The following PIGO variants were observed in gnomAD, a reference collection of about 807,000 sequenced individuals.
PIGO encodes GPI ethanolamine phosphate transferase 3, catalytic subunit.
PIGO carries 66 observed loss-of-function variants against 86.9 expected under a neutral mutation model. The ratio of observed to expected loss-of-function variants is 0.76; its 90% CI spans 0.62 to 0.93. The LOEUF (loss-of-function observed/expected upper bound fraction) is 0.93. Among genes scored for constraint, PIGO ranks in the 40% least tolerant of loss-of-function variants. The pLI is 0.00. For synonymous variants in PIGO, 570 were observed against 556.4 expected (o/e 1.02, Z -0.34); for missense variants, 1,202 against 1,359.1 (o/e 0.88, Z 1.82).
Position 35,093,063 on chromosome 9 carries a change from G to T in PIGO, c.1086C>A (p.Ala362=), listed in dbSNP as rs1024235075. Residue 362 remains alanine, a synonymous_variant, in exon 6 of 11, where the codon GCC becomes GCA. Transcript: ENST00000378617. ...EDSQPHSSAL[A]QASALHLNAQ... is the part of the protein sequence containing the mutation. ...CATTGAGATGGAGAGCTGAGGCTTG[G>T]GCTAAAGCAGAGGAGTGGGGCTGGG... 6.2e-7 allele frequency: 1 copy of T among 1,613,632 alleles called. No individual in the cohort carries two copies.
In PIGO at chr9:35,091,966, A is replaced by AGCTG; in HGVS notation, c.1920_1921insCAGC (p.Cys641GlnfsTer4). On this transcript the variant is annotated frameshift_variant, in exon 7 of 11. Transcript: ENST00000378617. LOFTEE classifies it high-confidence loss of function. ...TGGCAAACAGGTGTCTCTTCAGGGC[A>AGCTG]ACGATGAAAAAGCCCAGCTAGCCTT... The AGCTG allele has an allele frequency of 2.5e-6, 4 of 1,614,236 alleles. No homozygotes were observed. The highest frequency in any genetic ancestry group is 3.4e-6 in the Non-Finnish European group (4 of 1,180,044).
At chr9:35,089,526 C>T (rs750264071) in intron 9 of PIGO, 76 bp from the exon 10 acceptor site, 1 of 1,597,986 alleles carries the variant, frequency 6.3e-7, no homozygotes, top group Middle Eastern at 1.8e-4. Flanking sequence ...TTTCTATAGG[C>T]CCCTGTAAAA....
Position 35,093,971 on chromosome 9 carries a change from A to C in PIGO, c.709T>G (p.Cys237Gly). The C allele has an allele frequency of 6.2e-7, 1 of 1,614,172 alleles. No individual in the cohort carries two copies. Among genetic ancestry groups the C allele is most frequent in the Non-Finnish European group, 8.5e-7 (1 of 1,180,008 alleles). ...TGGTGAGGGCCATGCTTGTGGCCAC[A>C]GTGGTCCACACCCAGGAAGTGAGCA... ...LIAHFLGVDH[C>G]GHKHGPHHPE... The change falls in exon 4 of 11, where the codon TGT becomes GGT. Residue 237 changes from cysteine to glycine, a missense_variant. Coordinates refer to ENST00000378617, the MANE Select transcript of PIGO (RefSeq NM_032634.4).
intron 3 of PIGO, 22 bp downstream of exon 3, chr9:35,094,194 A>G: frequency 6.3e-7 from 1 of 1,580,996 alleles, no homozygotes; most frequent in Non-Finnish European, 8.6e-7. Context: ...CTTAGAACTA[A>G]GTGCTCTGGC....
Position 35,092,075 on chromosome 9 carries a change from G to A in PIGO, c.1812C>T (p.Arg604=). 6.2e-7 allele frequency: 1 copy of A among 1,614,236 alleles called. No individual in the cohort carries two copies. Among genetic ancestry groups the A allele is most frequent in the Non-Finnish European group, 8.5e-7 (1 of 1,180,032 alleles). Residue 604 remains arginine (R), a synonymous_variant, in exon 7 of 11, where the codon CGC becomes CGT. Coordinates refer to ENST00000378617, the MANE Select transcript of PIGO (RefSeq NM_032634.4). ...GGTTTGTTGTGGCTGAAGTGCCAAG[G>A]CGGGGCATTGTGAGTAGCTTAGGTG... ...LLPPKLLTMP[R]LGTSATTNPP...
Position 35,093,948 on chromosome 9 carries a change from G to A in PIGO, c.732C>T (p.His244=), listed in dbSNP as rs1332356419. The part of the protein sequence containing the change: ...VDHCGHKHGP[H]HPEMAKKLSQ... ...TAAGTTTCTTGGCCATTTCAGGGTG[G>A]TGAGGGCCATGCTTGTGGCCACAGT... Residue 244 remains histidine, a synonymous_variant, in exon 4 of 11, where the codon CAC becomes CAT. Transcript: ENST00000378617. 1.2e-6 allele frequency: 2 copies of A among 1,614,162 alleles called. No individual in the cohort carries two copies. The highest frequency in any genetic ancestry group is 1.7e-5 in the Admixed American group (1 of 60,018).
chr9:35,089,203 C>T lies in PIGO; in HGVS notation c.3159G>A (p.Val1053=). The T allele has an allele frequency of 6.2e-7, 1 of 1,614,216 alleles. No individual in the cohort carries two copies. The highest frequency in any genetic ancestry group is 1.1e-5 in the South Asian group (1 of 91,086). ...GTCCCACGCTGCTCACAATGAAGCCCACAGCCTCAAATATGAACCTGCAAA... is the reference window on the plus strand; with the variant it reads ...GTCCCACGCTGCTCACAATGAAGCCTACAGCCTCAAATATGAACCTGCAAA... ...VFAPKFIFEA[V]GFIVSSVGLL... The change falls in exon 11 of 11, where the codon GTG becomes GTA. Residue 1053 remains valine (V), a synonymous_variant. Coordinates refer to ENST00000378617, the MANE Select transcript of PIGO (RefSeq NM_032634.4).
chr9:35,089,100 G>A lies in PIGO; in HGVS notation c.3262C>T (p.Gln1088Ter), dbSNP rs771799139. ...SWFRQLFLAQ[Q>*]R ...AGTAATCACAGACTAGGCTACCTCT[G>A]CTGGGCCAGAAATAGCTGCCTGAAC... The change falls in exon 11 of 11, where the codon CAG becomes TAG. Residue 1088 changes from glutamine (Q) to a stop codon, truncating the protein, a stop_gained. Coordinates refer to ENST00000378617, the MANE Select transcript of PIGO (RefSeq NM_032634.4). LOFTEE classifies it high-confidence loss of function. 7 of 1,614,122 alleles carry A rather than the reference G, an allele frequency of 4.3e-6. No homozygotes were observed. In the South Asian group the frequency reaches 7.7e-5, roughly 18 times the overall value.
Position 35,090,178 on chromosome 9 carries a change from G to T in PIGO, c.2957C>A (p.Pro986His), listed in dbSNP as rs1255026795. Residue 986 changes from proline to histidine, a missense_variant, in exon 9 of 11, where the codon CCC (proline) becomes CAC (histidine). Physicochemically the swap from Pro to His is moderately conservative, Grantham distance 77. Transcript: ENST00000378617. ...CATCAGTGGCTCCTCTTCCTCCTCGGGTCTGACTCTGGCATCAGCTTCATT... is the reference window on the plus strand; with the variant it reads ...CATCAGTGGCTCCTCTTCCTCCTCGTGTCTGACTCTGGCATCAGCTTCATT... Reference protein sequence around the residue: ...PGNEADARVRPEEEEEPLMEM... With the variant: ...PGNEADARVRHEEEEEPLMEM... 6.2e-7 allele frequency: 1 copy of T among 1,614,186 alleles called. No homozygotes were observed. Among genetic ancestry groups the T allele is most frequent in the Non-Finnish European group, 8.5e-7 (1 of 1,180,046 alleles).
At chr9:35,093,298 G>C (rs772391745) in intron 5 of PIGO, 89 bp from the exon 6 acceptor site, 2 of 1,568,608 alleles carry the variant, frequency 1.3e-6, no homozygotes, top group Non-Finnish European at 1.7e-6. Flanking sequence ...GGTAAGAAAT[G>C]AGAGTGGAGG....
In PIGO at chr9:35,090,139, C is replaced by T. The variant is rs1160814644; in HGVS notation, c.2996G>A (p.Arg999Gln). 1.1e-5 allele frequency: 17 copies of T among 1,614,130 alleles called. No individual in the cohort carries two copies. The highest frequency in any genetic ancestry group is 8.3e-5 in the Admixed American group (5 of 60,008). The change falls in exon 9 of 11, where the codon CGG (arginine) becomes CAG (glutamine). Residue 999 changes from arginine to glutamine, a missense_variant. Coordinates refer to ENST00000378617, the MANE Select transcript of PIGO (RefSeq NM_032634.4). ...EEEPLMEMRL[R>Q]DAPQHFYAAL... is the part of the protein sequence containing the mutation. ...TGCATAGAAGTGCTGAGGCGCATCC[C>T]GGAGCCGCATCTCCATCAGTGGCTC...
Position 35,095,612 on chromosome 9 carries a change from C to T in PIGO, c.-1-46G>A, listed in dbSNP as rs1202690254. The stretch of plus-strand genomic sequence containing the variant: ...AATTCATTACTGTGGGGCAAAGAAC[C>T]AGTGGATATTCTGGTCCCTGAATAC... On this transcript the variant is annotated intron_variant, in intron 1 of 10. Coordinates refer to ENST00000378617, the MANE Select transcript of PIGO (RefSeq NM_032634.4). 2.7e-6 allele frequency: 4 copies of T among 1,467,976 alleles called. No homozygotes were observed. The South Asian group carries it at 5.7e-5, about 21-fold the overall frequency. The allele number at this position is 1,467,976 out of a possible 1,614,324, so 90.9% of individuals were successfully genotyped here. A position where few individuals can be genotyped will look rare whatever the true frequency, so the allele number is the denominator to read the frequency against.
Position 35,095,562 on chromosome 9 carries a change from G to A in PIGO, c.4C>T (p.Gln2Ter). Residue 2 changes from glutamine (Q) to a stop codon, truncating the protein, a stop_gained, in exon 2 of 11, where the codon CAG (glutamine) becomes TAG (stop). Transcript: ENST00000378617. LOFTEE classifies it high-confidence loss of function. M[Q>*]KASVLLFLAW... ...AGGAAGAGCAACACTGAGGCTTTCT[G>A]CATCCTGATAGGGGTGGGGAAGTAA... The A allele has an allele frequency of 1.3e-6, 2 of 1,559,570 alleles. No individual in the cohort carries two copies. The highest frequency in any genetic ancestry group is 2.3e-5 in the East Asian group (1 of 44,296).
chr9:35,095,436 G>A lies in PIGO; in HGVS notation c.130C>T (p.Pro44Ser). The A allele has an allele frequency of 1.2e-6, 2 of 1,614,034 alleles. No homozygotes were observed. The highest frequency in any genetic ancestry group is 1.7e-6 in the Non-Finnish European group (2 of 1,179,986). ...ELTNHSSCQE[P>S]PGPGSLPWGS... The stretch of plus-strand genomic sequence containing the variant: ...CATGGCAGGGACCCAGGGCCTGGGG[G>A]CTCTTGGCAGCTGCTATGGTTGGTG... Residue 44 changes from proline (P) to serine (S), a missense_variant, in exon 2 of 11, where the codon CCC becomes TCC. Coordinates refer to ENST00000378617, the MANE Select transcript of PIGO (RefSeq NM_032634.4).
In PIGO at chr9:35,095,330, C is replaced by A; in HGVS notation, c.236G>T (p.Arg79Leu). 1.2e-6 allele frequency: 2 copies of A among 1,614,160 alleles called. No homozygotes were observed. Among genetic ancestry groups the A allele is most frequent in the Non-Finnish European group, 1.7e-6 (2 of 1,180,034 alleles). Residue 79 changes from arginine to leucine, a missense_variant, in exon 2 of 11, where the codon CGA becomes CTA. Transcript: ENST00000378617. ...ATGCTGGGGCTGGGCGAAGTCAAATCGCAGAGCATCTATCAGCACCAACAC... is the reference window on the plus strand; with the variant it reads ...ATGCTGGGGCTGGGCGAAGTCAAATAGCAGAGCATCTATCAGCACCAACAC... ...RVVLVLIDAL[R>L]FDFAQPQHSH...
In PIGO at chr9:35,091,654, G is replaced by A. The variant is rs762428877; in HGVS notation, c.2233C>T (p.Arg745Trp). The A allele has an allele frequency of 1.4e-5, 23 of 1,613,056 alleles. No homozygotes were observed. In the East Asian group the frequency reaches 2.5e-4, roughly 17 times the overall value. The change falls in exon 7 of 11, where the codon CGG becomes TGG. Residue 745 changes from arginine to tryptophan, a missense_variant. Physicochemically the swap from Arg to Trp is moderately radical, Grantham distance 101 (BLOSUM62 -3). Transcript: ENST00000378617. ...LVSGASMVLP[R>W]AVAGLAASGL... ...GAAGCAGCCAGCCCTGCTACAGCCC[G>A]AGGCAGCACCATGGATGCCCCAGAG...
rs771481937 is a variant in PIGO, at chr9:35,093,541, T to C, written c.819A>G (p.Val273=). 6.2e-7 allele frequency: 1 copy of C among 1,613,970 alleles called. No homozygotes were observed. Among genetic ancestry groups the C allele is most frequent in the Admixed American group, 1.7e-5 (1 of 59,994 alleles). The change falls in exon 5 of 11, where the codon GTA becomes GTG. Residue 273 remains valine (V), a synonymous_variant. Transcript: ENST00000378617. ...VERLENDTLL[V]VAGDHGMTTN... is the part of the protein sequence containing the mutation. ...TGGTCATCCCATGGTCCCCAGCCACTACCAGCAGTGTGTCATTCTCCAGAC... is the reference window on the plus strand; with the variant it reads ...TGGTCATCCCATGGTCCCCAGCCACCACCAGCAGTGTGTCATTCTCCAGAC...
chr9:35,095,218 G>A lies in PIGO; in HGVS notation c.348C>T (p.His116=), dbSNP rs1180613769. ...CCTGAGATCGGTAGAGCCGGGCATG[G>A]TGGGGCTGAATCTCCAGGATCCTCT... ...SLQRILEIQP[H]HARLYRSQVD... Residue 116 remains histidine (H), a synonymous_variant, in exon 2 of 11, where the codon CAC becomes CAT. Coordinates refer to ENST00000378617, the MANE Select transcript of PIGO (RefSeq NM_032634.4). The A allele has an allele frequency of 2.5e-6, 4 of 1,614,234 alleles. No homozygotes were observed. Among genetic ancestry groups the A allele is most frequent in the African/African-American group, 1.3e-5 (1 of 75,062 alleles).
At chr9:35,094,123 C>A in intron 3 of PIGO, 93 bp downstream of exon 3, 1 of 1,562,408 alleles carries the variant, frequency 6.4e-7, no homozygotes, top group Admixed American at 1.9e-5. Flanking sequence ...CAAGCCCAGG[C>A]TGTTACACCC....
Sources: allele counts gnomAD v4.1 joint callset, GRCh38; gene constraint gnomAD v4.1.1; transcripts MANE v1.5; gene names NCBI Gene and HGNC (gene_info 2026-07-23, HGNC 2026-07-21).